The following NELFB variants were observed in gnomAD, a reference collection of about 807,000 sequenced individuals.
The protein encoded by NELFB is negative elongation factor complex member B, also known as negative elongation factor B.
NELFB carries 34 observed loss-of-function variants against 60.2 expected under a neutral mutation model. That is an observed-to-expected ratio of 0.56 (90% CI 0.43 to 0.75). The LOEUF (loss-of-function observed/expected upper bound fraction) is 0.75, where lower values mean the gene tolerates loss of function less well. Among genes scored for constraint, NELFB ranks in the 30% least tolerant of loss-of-function variants. The pLI is 0.00. For synonymous variants in NELFB, 459 were observed against 382.1 expected (o/e 1.20, Z -2.35); for missense variants, 770 against 831.6 (o/e 0.93, Z 0.91).
Position 137,265,979 on chromosome 9 carries a change from G to A in NELFB, c.1143G>A (p.Arg381=), listed in dbSNP as rs1158588195. The A allele has an allele frequency of 3.1e-6, 5 of 1,607,076 alleles. No homozygotes were observed. Among genetic ancestry groups the A allele is most frequent in the Admixed American group, 1.7e-5 (1 of 59,988 alleles). ...TGGTCGGCCAGGAGACACTGCCCAG[G>A]GTGAGTGTGGGCTTGGCCAGCAGCT... is the stretch of plus-strand genomic sequence containing the variant. The change falls in exon 7 of 13, where the codon AGG becomes AGA. Residue 381 remains arginine (R), a splice_region_variant and synonymous_variant. Coordinates refer to ENST00000343053, the MANE Select transcript of NELFB (RefSeq NM_015456.5).
At chr9:137,256,132 C>T (rs1044858702) in intron 2 of NELFB, 62 bp downstream of exon 2, 3 of 1,551,234 alleles carry the variant, frequency 1.9e-6, no homozygotes, top group Non-Finnish European at 2.7e-6. Context: ...CTTGGATCGA[C>T]TCAGGGGCAT....
chr9:137,256,511 C>T (rs1837554144), intron 3 of NELFB, 83 bp downstream of exon 3: 1 of 1,273,866 alleles, frequency 7.9e-7, no homozygotes, highest in Non-Finnish European at 1.1e-6. Context: ...CGGTGGCCGC[C>T]TAGCTCCGGG....
intron 12 of NELFB, 82 bp downstream of exon 12, chr9:137,272,697 T>C: frequency 1.3e-6 from 2 of 1,525,990 alleles, no homozygotes; most frequent in Non-Finnish European, 1.8e-6. Flanking sequence ...CTTGTGGTGC[T>C]TGTGTGTGGT....
In NELFB at chr9:137,256,372, G is replaced by C. The variant is rs1837551314; in HGVS notation, c.454G>C (p.Val152Leu). ...CCTTCTGGAGAAGAGCTTTTCTCTG[G>C]TGAAGATGCCGTCCCTGCAGCCCGT... Residue 152 changes from valine (V) to leucine (L), a missense_variant, in exon 3 of 13, where the codon GTG (valine) becomes CTG (leucine). Physicochemically the swap from Val to Leu is conservative, Grantham distance 32. Transcript: ENST00000343053. The C allele has an allele frequency of 6.2e-7, 1 of 1,613,966 alleles. No homozygotes were observed. The highest frequency in any genetic ancestry group is 1.1e-5 in the South Asian group (1 of 91,092).
intron 10 of NELFB, 140 bp downstream of exon 10, chr9:137,267,486 T>TC: frequency 3.2e-6 from 2 of 633,300 alleles, no homozygotes; most frequent in East Asian, 3.0e-5. Flanking sequence ...AGCTTTGTTT[T>TC]CACCTTTTTT....
chr9:137,263,831 C>A (rs1830486435), intron 5 of NELFB, among the ~76,000 whole-genome samples: 1 of 152,210 alleles, frequency 6.6e-6, no homozygotes, highest in Non-Finnish European at 1.5e-5. Context: ...TGGCCCTCCC[C>A]TTCCCCAGAA....
chr9:137,271,974 C>G, intron 10 of NELFB, 107 bp from the exon 11 acceptor site: 2 of 1,437,740 alleles, frequency 1.4e-6, no homozygotes, highest in Non-Finnish European at 9.6e-7. Context: ...ACTGAGAACT[C>G]TCATGTGAGC....
Position 137,266,312 on chromosome 9 carries a change from G to C in NELFB, c.1144-19G>C, listed in dbSNP as rs749489629. 4 of 1,606,526 alleles carry C rather than the reference G, an allele frequency of 2.5e-6. No individual in the cohort carries two copies. In the South Asian group the frequency reaches 4.4e-5, roughly 18 times the overall value. ...GACACAGCTGCCTGGGAGAGGCGCTGAGCCCGTCCTCCCTACAGGACAGCC... is the reference window on the plus strand; with the variant it reads ...GACACAGCTGCCTGGGAGAGGCGCTCAGCCCGTCCTCCCTACAGGACAGCC... On this transcript the variant is annotated intron_variant, in intron 7 of 12. Transcript: ENST00000343053.
rs200245730 is a variant in NELFB at position 137,264,237 on chromosome 9, C to T, written c.928-8C>T. The T allele has an allele frequency of 1.9e-6, 3 of 1,575,862 alleles. No individual in the cohort carries two copies. In the East Asian group the frequency reaches 6.9e-5, roughly 36 times the overall value. ...TGGGCTGGTCCCGACCGTGCTTCCT[C>T]CTTGCAGTTCACCTGGTGCCTGGAC... is the stretch of plus-strand genomic sequence containing the variant. On this transcript the variant is annotated splice_region_variant and splice_polypyrimidine_tract_variant and intron_variant, in intron 5 of 12. Transcript: ENST00000343053.
chr9:137,264,217 T>G, intron 5 of NELFB, 28 bp from the exon 6 acceptor site: 1 of 1,539,060 alleles, frequency 6.5e-7, no homozygotes. Context: ...AGGTTTGGGC[T>G]GGTCCCGACC....
intron 6 of NELFB, 50 bp from the exon 7 acceptor site, chr9:137,265,827 A>C: frequency 7.9e-7 from 1 of 1,264,824 alleles, no homozygotes; most frequent in Non-Finnish European, 1.2e-6. Context: ...TGTGCCGCTG[A>C]AGGGAGGGGC....
chr9:137,256,515 C>CT, intron 3 of NELFB, 87 bp downstream of exon 3: 1 of 1,198,208 alleles, frequency 8.3e-7, no homozygotes, highest in Non-Finnish European at 1.2e-6. Context: ...GGCCGCCTAG[C>CT]TCCGGGAGCT....
chr9:137,268,171 G>A (rs2118988081), intron 10 of NELFB, among the ~76,000 whole-genome samples: 1 of 151,870 alleles, frequency 6.6e-6, no homozygotes, highest in South Asian at 2.1e-4. Context: ...CTTTAGCCTT[G>A]CGGTACCCAC....
intron 1 of NELFB, 84 bp downstream of exon 1, chr9:137,255,695 A>C: frequency 6.8e-7 from 1 of 1,464,030 alleles, no homozygotes; most frequent in South Asian, 1.3e-5. Context: ...AGGCGCCGGA[A>C]GTTTTCCGGC....
intron 4 of NELFB, among the ~76,000 whole-genome samples, chr9:137,262,211 A>G (rs1201121096): frequency 1.3e-5 from 2 of 152,162 alleles, no homozygotes; most frequent in Non-Finnish European, 2.9e-5. Context: ...GCCCTCCACA[A>G]GAGGTGGAGG....
intron 4 of NELFB, among the ~76,000 whole-genome samples, chr9:137,259,885 C>T (rs1485196385): frequency 2.0e-5 from 3 of 148,686 alleles, no homozygotes; most frequent in East Asian, 2.0e-4. Flanking sequence ...CCACCATGCC[C>T]GGCTAATTTT....
At chr9:137,264,150 A>G in intron 5 of NELFB, 95 bp from the exon 6 acceptor site, 1 of 929,634 alleles carries the variant, frequency 1.1e-6, no homozygotes, top group Non-Finnish European at 1.7e-6. Flanking sequence ...GCTATGATTG[A>G]ACAAGAGGCC....
At position 137,273,044 on chromosome 9, in the gene NELFB, G is replaced by A. The variant is rs1279578857; in HGVS notation, c.*116G>A. 2 of 1,214,550 alleles carry A rather than the reference G, an allele frequency of 1.6e-6. No homozygotes were observed. The highest frequency in any genetic ancestry group is 1.1e-6 in the Non-Finnish European group (1 of 903,578). 75.2% of individuals were successfully genotyped at this position (1,214,550 alleles called of 1,614,324 possible). A position where few individuals can be genotyped will look rare whatever the true frequency, so the allele number is the denominator to read the frequency against. ...AGTCTCTCTTCCCGGGGCTATGGCT[G>A]GGCCTGTCCTGCCGTCATGGCCCCC... On this transcript the variant is annotated 3_prime_UTR_variant, in exon 13 of 13. Transcript: ENST00000343053.
intron 4 of NELFB, among the ~76,000 whole-genome samples, chr9:137,259,359 G>A (rs1371739049): frequency 6.6e-6 from 1 of 152,220 alleles, no homozygotes; most frequent in Non-Finnish European, 1.5e-5. Context: ...TCCTGACCAT[G>A]TGCGTGGGCA....
Sources: gnomAD v4.1 joint callset for allele counts (sites outside exome capture counted in the v4.1 genomes callset) on GRCh38, gnomAD v4.1.1 for gene constraint, MANE v1.5 for transcripts, NCBI Gene and HGNC (gene_info 2026-07-23, HGNC 2026-07-21) for gene names.